The following CMTM7 variants were observed in gnomAD, a reference collection of about 807,000 sequenced individuals.
The protein encoded by CMTM7 is CKLF-like MARVEL transmembrane domain-containing protein 7.
A neutral mutation model predicts 19.3 loss-of-function variants in CMTM7; 7 were observed. The ratio of observed to expected loss-of-function variants is 0.36; its 90% CI spans 0.21 to 0.68. The LOEUF (loss-of-function observed/expected upper bound fraction) is 0.68, where lower values mean the gene tolerates loss of function less well. CMTM7 is among the 30% of genes least tolerant of loss of function. The pLI, the probability that CMTM7 is intolerant of heterozygous loss-of-function variation, is 0.60. For missense variants in CMTM7, 193 were observed against 232.6 expected, an observed-to-expected ratio of 0.83 and a Z score of 1.11; for synonymous variants, 87 against 99.3, an observed-to-expected ratio of 0.88 and a Z score of 0.74.
intron 1 of CMTM7, among the ~76,000 whole-genome samples, chr3:32,430,612 G>C (rs966814680): frequency 4.0e-5 from 6 of 151,684 alleles, no homozygotes; most frequent in Non-Finnish European, 7.4e-5. Flanking sequence ...AGGCAGCCTC[G>C]ATGGGATGTG....
At chr3:32,417,815 T>G (rs898050290) in intron 1 of CMTM7, among the ~76,000 whole-genome samples, 11 of 136,030 alleles carry the variant, frequency 8.1e-5, no homozygotes, top group African/African-American at 2.8e-4. Context: ...TTGTTTTTGG[T>G]TTTTTTTTTG....
intron 4 of CMTM7, 123 bp downstream of exon 4, chr3:32,452,596 G>A (rs377138490): frequency 1.2e-5 from 12 of 990,730 alleles, no homozygotes; most frequent in East Asian, 2.4e-5. Flanking sequence ...GACTTTAGAA[G>A]TAGTATTAGA....
At chr3:32,405,889 T>C (rs1696084766) in intron 1 of CMTM7, among the ~76,000 whole-genome samples, 1 of 152,256 alleles carries the variant, frequency 6.6e-6, no homozygotes, top group Non-Finnish European at 1.5e-5. Flanking sequence ...ACAGTAACTA[T>C]GGTTGTACAT....
Position 32,444,327 on chromosome 3 carries a change from T to C in CMTM7, c.333+2314T>C, listed in dbSNP as rs566623782. 2.0e-5 allele frequency among the ~76,000 whole-genome samples: 3 copies of C among 152,350 alleles called. No individual in the cohort carries two copies. The East Asian group carries it at 5.8e-4, about 29-fold the overall frequency. On this transcript the variant is annotated intron_variant, in intron 2 of 4. Transcript: ENST00000334983. ...GTTGAAAAGACTATTCTTTCCCCCATTGAATGGCATTGGCACCCTTGTTGA... is the reference window on the plus strand; with the variant it reads ...GTTGAAAAGACTATTCTTTCCCCCACTGAATGGCATTGGCACCCTTGTTGA...
intron 1 of CMTM7, among the ~76,000 whole-genome samples, chr3:32,436,223 G>A (rs1002047457): frequency 3.3e-5 from 5 of 152,172 alleles, no homozygotes; most frequent in Non-Finnish European, 7.3e-5. Context: ...GCAGGACTCT[G>A]GAGCAAGATT....
intron 1 of CMTM7, among the ~76,000 whole-genome samples, chr3:32,392,345 G>A (rs747537535): frequency 3.9e-5 from 6 of 152,352 alleles, no homozygotes; most frequent in African/African-American, 1.4e-4. Context: ...CCCCTGCGAA[G>A]CCTGACCCGC....
chr3:32,392,726 G>T (rs1310375219), intron 1 of CMTM7, among the ~76,000 whole-genome samples: 2 of 152,152 alleles, frequency 1.3e-5, no homozygotes, highest in Non-Finnish European at 2.9e-5. Flanking sequence ...TGTTGTCAGG[G>T]GCTGGTACTC....
At chr3:32,403,088 C>G (rs756252286) in intron 1 of CMTM7, among the ~76,000 whole-genome samples, 3 of 152,224 alleles carry the variant, frequency 2.0e-5, no homozygotes, top group Non-Finnish European at 2.9e-5. Context: ...GTGAAAAAAT[C>G]TACACTTTAA....
At chr3:32,408,975 C>T (rs1055565692) in intron 1 of CMTM7, among the ~76,000 whole-genome samples, 4 of 152,106 alleles carry the variant, frequency 2.6e-5, no homozygotes, top group Non-Finnish European at 4.4e-5. Flanking sequence ...TTCCACCTCC[C>T]GGGTTCAAGC....
chr3:32,438,303 G>A (rs1481924130), intron 1 of CMTM7, among the ~76,000 whole-genome samples: 1 of 152,108 alleles, frequency 6.6e-6, no homozygotes, highest in Non-Finnish European at 1.5e-5. Context: ...TGTATATTAA[G>A]TTCAGGGGTA....
At chr3:32,395,319 ATAGC>A (rs1357591256) in intron 1 of CMTM7, among the ~76,000 whole-genome samples, 1 of 151,172 alleles carries the variant, frequency 6.6e-6, no homozygotes, top group Non-Finnish European at 1.5e-5. Flanking sequence ...CTTTTTTTTA[ATAGC>A]TATTTTTTTT....
chr3:32,438,524 G>T (rs1696631206), intron 1 of CMTM7, among the ~76,000 whole-genome samples: 1 of 151,782 alleles, frequency 6.6e-6, no homozygotes. Flanking sequence ...TAAGATGCTG[G>T]CTATTTAAAG....
intron 1 of CMTM7, among the ~76,000 whole-genome samples, chr3:32,413,287 A>G (rs1418854823): frequency 2.0e-5 from 3 of 152,356 alleles, no homozygotes; most frequent in Non-Finnish European, 4.4e-5. Flanking sequence ...TTTCCTTAAG[A>G]TAAATTCTGA....
intron 1 of CMTM7, among the ~76,000 whole-genome samples, chr3:32,425,668 C>T (rs996857524): frequency 4.6e-5 from 7 of 152,146 alleles, no homozygotes; most frequent in African/African-American, 1.4e-4. Context: ...TAGTACATTC[C>T]AGTCTCAACA....
chr3:32,397,696 T>G (rs1325423878), intron 1 of CMTM7, among the ~76,000 whole-genome samples: 1 of 151,624 alleles, frequency 6.6e-6, no homozygotes, highest in African/African-American at 2.4e-5. Flanking sequence ...ATCGCAGCAT[T>G]GCACTCCAGC....
intron 1 of CMTM7, among the ~76,000 whole-genome samples, chr3:32,415,476 T>C (rs1393841412): frequency 6.6e-6 from 1 of 152,228 alleles, no homozygotes; most frequent in Non-Finnish European, 1.5e-5. Context: ...GTACTTTCTT[T>C]CATGCTACTC....
chr3:32,396,653 G>T (rs1695923527), intron 1 of CMTM7, among the ~76,000 whole-genome samples: 1 of 152,164 alleles, frequency 6.6e-6, no homozygotes, highest in Admixed American at 6.5e-5. Flanking sequence ...GTGTGAGGGG[G>T]CAAGGTGCTC....
rs149090808 is a variant in CMTM7, at chr3:32,400,015, G to A, written c.159+7950G>A. The stretch of plus-strand genomic sequence containing the variant: ...TTTATAGTAGATACACATAATTTTG[G>A]TGGTGGTTTGTTTTTCTTTTTTAAT... On this transcript the variant is annotated intron_variant, in intron 1 of 4. Coordinates refer to ENST00000334983, the MANE Select transcript of CMTM7 (RefSeq NM_138410.4). Among the ~76,000 whole-genome samples, 381 of 152,196 alleles carry A rather than the reference G, an allele frequency of 2.5e-3. 1 individual carries two copies. Among genetic ancestry groups the A allele is most frequent in the African/African-American group, 8.9e-3 (370 of 41,546 alleles).
intron 1 of CMTM7, among the ~76,000 whole-genome samples, chr3:32,426,394 A>G (rs1267863074): frequency 1.3e-5 from 2 of 152,232 alleles, no homozygotes; most frequent in African/African-American, 4.8e-5. Context: ...TACATTTTTC[A>G]TAATTACAAA....
Sources: allele counts gnomAD v4.1 joint callset (sites outside exome capture counted in the v4.1 genomes callset), GRCh38; gene constraint gnomAD v4.1.1; transcripts MANE v1.5; gene names NCBI Gene and HGNC (gene_info 2026-07-23, HGNC 2026-07-21).